RAB8A: variants seen among roughly 807,000 people sequenced by gnomAD.
The protein encoded by RAB8A is RAB8A, member RAS oncogene family, also known as ras-related protein Rab-8A.
A neutral mutation model predicts 29.2 loss-of-function variants in RAB8A; 5 were observed. The ratio of observed to expected loss-of-function variants is 0.17; its 90% CI spans 0.09 to 0.36. The LOEUF (loss-of-function observed/expected upper bound fraction) is 0.36, where lower values mean the gene tolerates loss of function less well. Ranked by LOEUF, RAB8A falls within the 10% of genes least tolerant of loss-of-function variation. The pLI is 1.00. For missense variants in RAB8A, 171 were observed against 272.2 expected (o/e 0.63, Z 2.62); for synonymous variants, 108 against 99.9 (o/e 1.08, Z -0.49).
rs747264307 is a variant in RAB8A at position 16,127,515 on chromosome 19, C to T, written c.403C>T (p.Arg135Trp). The T allele has an allele frequency of 1.1e-5, 17 of 1,535,536 alleles. 1 individual carries two copies. Among genetic ancestry groups the T allele is most frequent in the South Asian group, 3.9e-5 (3 of 77,568 alleles). Residue 135 changes from arginine to tryptophan, a missense_variant, in exon 5 of 8, where the codon CGG (arginine) becomes TGG (tryptophan). Physicochemically the swap from Arg to Trp is moderately radical, Grantham distance 101 (BLOSUM62 -3). Around this residue, in one of 3 missense-constraint regions of RAB8A, gnomAD observed 145 missense variants for 212.8 expected, o/e 0.68. Transcript: ENST00000300935. The surrounding 1 kb of genome is among the most constrained non-coding windows in gnomAD (Gnocchi z 4.8). Reference protein sequence around the residue: ...VNDKRQVSKERGEKLALDYGI... With the variant: ...VNDKRQVSKEWGEKLALDYGI... ...TGACAAGAGACAAGTTTCCAAGGAA[C>T]GGGGAGAAAAGGTGGGCATGGTGGC...
At chr19:16,124,333 A>T (rs995327890) in intron 3 of RAB8A, 3 of 152,198 alleles carry the variant, frequency 2.0e-5, no homozygotes, top group Non-Finnish European at 4.4e-5. Flanking sequence ...TTGCACCCAC[A>T]TCTGTCTCAC....
intron 6 of RAB8A, among the ~76,000 whole-genome samples, chr19:16,128,500 T>C (rs2090911700): frequency 6.6e-6 from 1 of 152,116 alleles, no homozygotes; most frequent in Admixed American, 6.5e-5. Flanking sequence ...CCTGGGCCCA[T>C]GCCACCCTCC....
At chr19:16,117,313 A>T (rs1568319041) in intron 1 of RAB8A, among the ~76,000 whole-genome samples, 1 of 151,636 alleles carries the variant, frequency 6.6e-6, no homozygotes, top group Non-Finnish European at 1.5e-5. Flanking sequence ...ACACGGTGAA[A>T]CCCCATCTCT....
rs75306834 is a variant in RAB8A, at chr19:16,127,091, G to A, written c.325-346G>A. On this transcript the variant is annotated intron_variant, in intron 4 of 7. Transcript: ENST00000300935. This position sits in a 1 kb window ranked among gnomAD's most constrained non-coding sequence, Gnocchi z 4.8. ...GGAGGGAAGGAGGAAAGCCAAGGTC[G>A]GGGGGTAAATATCTCAGCCTCACTC... 474 of 180,594 alleles carry A rather than the reference G, an allele frequency of 2.6e-3. 5 individuals are homozygous for A. The highest frequency in any genetic ancestry group is 0.018 in the East Asian group (133 of 7,376). The allele number at this position is 180,594 out of a possible 1,614,324, so 11.2% of individuals were successfully genotyped here.
intron 3 of RAB8A, 176 bp downstream of exon 3, chr19:16,121,986 G>T: frequency 1.8e-6 from 1 of 568,630 alleles, no homozygotes; most frequent in Non-Finnish European, 3.2e-6. Flanking sequence ...CTACCCCCAT[G>T]TACATACCTC....
intron 6 of RAB8A, 106 bp from the exon 7 acceptor site, chr19:16,129,447 TG>T: frequency 9.1e-7 from 1 of 1,098,906 alleles, no homozygotes; most frequent in Non-Finnish European, 1.4e-6. Context: ...AAGGGCCAAA[TG>T]GGAGGCCCAC....
In RAB8A at chr19:16,122,874, G is replaced by A. The variant is rs1046350708; in HGVS notation, c.246+1064G>A. The stretch of plus-strand genomic sequence containing the variant: ...CTCACAGTTCTCTGGTGGAGGGTGG[G>A]CAGGCGGCCTGAGGGCACTGGGGTC... On this transcript the variant is annotated intron_variant, in intron 3 of 7. Transcript: ENST00000300935. This position sits in a 1 kb window ranked among gnomAD's most constrained non-coding sequence, Gnocchi z 4.7. Among the ~76,000 whole-genome samples, 3 of 152,118 alleles carry A rather than the reference G, an allele frequency of 2.0e-5. No individual in the cohort carries two copies. Among genetic ancestry groups the A allele is most frequent in the Non-Finnish European group, 4.4e-5 (3 of 68,014 alleles).
At position 16,127,609 on chromosome 19, in the gene RAB8A, C is replaced by A; in HGVS notation, c.414+83C>A. The A allele has an allele frequency of 1.7e-6, 2 of 1,145,588 alleles. No homozygotes were observed. The highest frequency in any genetic ancestry group is 2.4e-6 in the Non-Finnish European group (2 of 831,878). The allele number at this position is 1,145,588 out of a possible 1,614,324, so 71.0% of individuals were successfully genotyped here. A position where few individuals can be genotyped will look rare whatever the true frequency, so the allele number is the denominator to read the frequency against. ...GGCCTTCCCCTGTCCCTCCTCTGCC[C>A]CAGGGGCCTGAGACGAGTTGGTCAC... On this transcript the variant is annotated intron_variant, in intron 5 of 7. Coordinates refer to ENST00000300935, the MANE Select transcript of RAB8A (RefSeq NM_005370.5). This position sits in a 1 kb window ranked among gnomAD's most constrained non-coding sequence, Gnocchi z 4.8.
rs2090928799 is a variant in RAB8A at position 16,132,293 on chromosome 19, G to GTTC, written c.618_620dup (p.Leu207dup). 3 of 1,613,988 alleles carry GTTC rather than the reference G, an allele frequency of 1.9e-6. No individual in the cohort carries two copies. The Middle Eastern group carries it at 5.0e-4, about 267-fold the overall frequency. ...GAAGAGGAGCAGCTTTTTCCGATGT[G>GTTC]TTCTTCTGTGAGGAACACCGCCTTA... On this transcript the variant is annotated inframe_insertion, in exon 8 of 8. Transcript: ENST00000300935. The surrounding 1 kb of genome is among the most constrained non-coding windows in gnomAD (Gnocchi z 5.6).
chr19:16,121,580 G>A (rs1313340816), intron 2 of RAB8A, among the ~76,000 whole-genome samples, 170 bp from the exon 3 acceptor site: 1 of 152,176 alleles, frequency 6.6e-6, no homozygotes, highest in Non-Finnish European at 1.5e-5. Context: ...AGGCCACAGT[G>A]TCCTTCCCTG....
In RAB8A at chr19:16,125,106, G is replaced by A; in HGVS notation, c.247-364G>A. 1 of 371,644 alleles carries A rather than the reference G, an allele frequency of 2.7e-6. No homozygotes were observed. The highest frequency in any genetic ancestry group is 2.7e-5 in the South Asian group (1 of 36,678). 23.0% of individuals were successfully genotyped at this position (371,644 alleles called of 1,614,324 possible). A position where few individuals can be genotyped will look rare whatever the true frequency, so the allele number is the denominator to read the frequency against. On this transcript the variant is annotated intron_variant, in intron 3 of 7. Coordinates refer to ENST00000300935, the MANE Select transcript of RAB8A (RefSeq NM_005370.5). This position sits in a 1 kb window ranked among gnomAD's most constrained non-coding sequence, Gnocchi z 5.0. ...GGAGGGTCAGCGTGAGGGGAGTGCT[G>A]CTGGCAGTGGGCCTGTGGACCGGCT...
In RAB8A at chr19:16,127,142, G is replaced by A. The variant is rs2090905717; in HGVS notation, c.325-295G>A. Among the ~76,000 whole-genome samples the A allele has an allele frequency of 6.6e-6, 1 of 152,228 alleles. No homozygotes were observed. Among genetic ancestry groups the A allele is most frequent in the African/African-American group, 2.4e-5 (1 of 41,458 alleles). Reference sequence around the variant, plus strand: ...ACCTCCCATAGGCTAGACCCGCCCAGCATCCCAGGTGCGGGGGCTTGATTG... The same window carrying A: ...ACCTCCCATAGGCTAGACCCGCCCAACATCCCAGGTGCGGGGGCTTGATTG... On this transcript the variant is annotated intron_variant, in intron 4 of 7. Transcript: ENST00000300935. This position sits in a 1 kb window ranked among gnomAD's most constrained non-coding sequence, Gnocchi z 4.8.
At chr19:16,115,580 C>T (rs770693069) in intron 1 of RAB8A, among the ~76,000 whole-genome samples, 11 of 152,140 alleles carry the variant, frequency 7.2e-5, no homozygotes, top group Non-Finnish European at 4.4e-5. Flanking sequence ...CTTTGTGAAC[C>T]GCTCAACACC....
At chr19:16,129,317 G>A (rs55980421) in intron 6 of RAB8A, among the ~76,000 whole-genome samples, 24,146 of 152,172 alleles carry the variant, frequency 0.16, 2,057 homozygotes, top group Non-Finnish European at 0.19. Flanking sequence ...ATGCTAAGGT[G>A]CTCTGCGGAA....
rs1353893308 is a variant in RAB8A, at chr19:16,125,845, G to A, written c.324+298G>A. 1 of 508,024 alleles carries A rather than the reference G, an allele frequency of 2.0e-6. No homozygotes were observed. The highest frequency in any genetic ancestry group is 3.6e-6 in the Non-Finnish European group (1 of 274,052). 31.5% of individuals were successfully genotyped at this position (508,024 alleles called of 1,614,324 possible). A position where few individuals can be genotyped will look rare whatever the true frequency, so the allele number is the denominator to read the frequency against. ...ATCCAAGCTTGTGGTCACCATGAGT[G>A]TTGGGTGCTTTCTAGAGAAGGAAGG... On this transcript the variant is annotated intron_variant, in intron 4 of 7. Transcript: ENST00000300935. This position sits in a 1 kb window ranked among gnomAD's most constrained non-coding sequence, Gnocchi z 5.0.
At chr19:16,116,711 G>A (rs943337568) in intron 1 of RAB8A, among the ~76,000 whole-genome samples, 13 of 152,030 alleles carry the variant, frequency 8.6e-5, no homozygotes, top group Admixed American at 1.3e-4. Context: ...GGCGCGTGCC[G>A]GCAGTCCCAG....
chr19:16,112,273 C>T, intron 1 of RAB8A: 1 of 515,946 alleles, frequency 1.9e-6, no homozygotes. Context: ...CTCGTTAGGG[C>T]GTGTTATGTC....
At position 16,127,688 on chromosome 19, in the gene RAB8A, C is replaced by A; in HGVS notation, c.414+162C>A. The A allele has an allele frequency of 1.6e-6, 1 of 618,486 alleles. No homozygotes were observed. Among genetic ancestry groups the A allele is most frequent in the Non-Finnish European group, 2.8e-6 (1 of 358,370 alleles). 38.3% of individuals were successfully genotyped at this position (618,486 alleles called of 1,614,324 possible). On this transcript the variant is annotated intron_variant, in intron 5 of 7. Transcript: ENST00000300935. This position sits in a 1 kb window ranked among gnomAD's most constrained non-coding sequence, Gnocchi z 4.8. ...AGAAGCACACACCCAGCCGGGGCTT[C>A]TTGGGTGCACTCTGCGGGCATCTCA...
intron 6 of RAB8A, among the ~76,000 whole-genome samples, chr19:16,128,584 G>A (rs556081445): frequency 1.2e-3 from 186 of 152,268 alleles, no homozygotes; most frequent in African/African-American, 4.2e-3. Context: ...TTTCCAAGGC[G>A]GATCTTCCAT....
Sources: allele counts gnomAD v4.1 joint callset (sites outside exome capture counted in the v4.1 genomes callset), GRCh38; gene constraint gnomAD v4.1.1; regional missense constraint gnomAD v4.1.1; non-coding constraint Gnocchi (gnomAD v3.1); transcripts MANE v1.5; gene names NCBI Gene and HGNC (gene_info 2026-07-23, HGNC 2026-07-21).